MIER1: variants seen among roughly 807,000 people sequenced by gnomAD.
MIER1 encodes the protein MIER1 transcriptional regulator.
A neutral mutation model predicts 75.7 loss-of-function variants in MIER1; 40 were observed. The ratio of observed to expected loss-of-function variants is 0.53; its 90% CI spans 0.41 to 0.69. MIER1 has a LOEUF of 0.69. Ranked by LOEUF, MIER1 falls within the 30% of genes least tolerant of loss-of-function variation. MIER1 has a pLI of 0.00. For synonymous variants in MIER1, 213 were observed against 223.4 expected (o/e 0.95, Z 0.42); for missense variants, 574 against 680.2 (o/e 0.84, Z 1.74).
intron 4 of MIER1, among the ~76,000 whole-genome samples, chr1:66,957,319 T>C (rs1213705630): frequency 6.6e-6 from 1 of 152,206 alleles, no homozygotes; most frequent in Non-Finnish European, 1.5e-5. Context: ...CAAGGCACCA[T>C]GGTGTATTGA....
intron 3 of MIER1, among the ~76,000 whole-genome samples, chr1:66,944,357 A>G (rs1407276385): frequency 1.3e-5 from 2 of 151,478 alleles, no homozygotes; most frequent in African/African-American, 2.4e-5. Flanking sequence ...TCAGTAAACA[A>G]TGCTTTTGCA....
chr1:66,982,865 G>GT (rs1325214635), intron 13 of MIER1, among the ~76,000 whole-genome samples: 1 of 152,170 alleles, frequency 6.6e-6, no homozygotes, highest in Non-Finnish European at 1.5e-5. Flanking sequence ...GGTCCAAGAA[G>GT]GTTTATTGAC....
intron 13 of MIER1, among the ~76,000 whole-genome samples, chr1:66,983,070 T>C (rs1181055792): frequency 6.6e-6 from 1 of 152,234 alleles, no homozygotes; most frequent in Non-Finnish European, 1.5e-5. Context: ...AACATGCTGT[T>C]AGGCTAGGAA....
intron 4 of MIER1, among the ~76,000 whole-genome samples, chr1:66,956,303 C>T (rs1359573284): frequency 2.6e-5 from 4 of 152,040 alleles, no homozygotes; most frequent in African/African-American, 9.7e-5. Flanking sequence ...CATGTATAGT[C>T]CCAGATACTT....
rs1481063655 is a variant in MIER1, at chr1:66,986,314, T to C, written c.*1414T>C. On this transcript the variant is annotated 3_prime_UTR_variant, in exon 14 of 14. Transcript: ENST00000401041. ...CATTTTATTTTTAGTGCTAAATTCT[T>C]GTTAAATAATGTAGTTTTATATAGC... 2.6e-6 allele frequency: 4 copies of C among 1,521,526 alleles called. No homozygotes were observed. Among genetic ancestry groups the C allele is most frequent in the Non-Finnish European group, 3.5e-6 (4 of 1,142,852 alleles). The allele number at this position is 1,521,526 out of a possible 1,614,324, so 94.3% of individuals were successfully genotyped here.
chr1:66,953,534 C>T (rs1355786743), intron 4 of MIER1, among the ~76,000 whole-genome samples: 1 of 150,426 alleles, frequency 6.6e-6, no homozygotes, highest in East Asian at 1.9e-4. Context: ...ATATTACTCA[C>T]TTGATATTGG....
chr1:66,964,788 C>T (rs182326131), intron 8 of MIER1, among the ~76,000 whole-genome samples: 40 of 152,258 alleles, frequency 2.6e-4, no homozygotes, highest in Admixed American at 1.1e-3. Flanking sequence ...TGCAGTGTGA[C>T]ATCACTCAGG....
intron 4 of MIER1, among the ~76,000 whole-genome samples, chr1:66,955,623 A>G (rs1157450562): frequency 1.3e-5 from 2 of 152,198 alleles, no homozygotes; most frequent in Admixed American, 6.5e-5. Flanking sequence ...AGGATTAGTT[A>G]TAACACAGTT....
intron 9 of MIER1, 35 bp downstream of exon 9, chr1:66,970,994 TAC>T: frequency 1.3e-6 from 2 of 1,530,964 alleles, no homozygotes; most frequent in Non-Finnish European, 1.7e-6. Flanking sequence ...AACTTTGCCA[TAC>T]ACATTTATAC....
intron 11 of MIER1, 66 bp downstream of exon 11, chr1:66,973,057 C>A: frequency 1.2e-6 from 1 of 840,670 alleles, no homozygotes; most frequent in Non-Finnish European, 2.0e-6. Flanking sequence ...GGTCATGTAT[C>A]GTAATTTGTT....
intron 11 of MIER1, among the ~76,000 whole-genome samples, chr1:66,974,483 T>C (rs1272332886): frequency 3.3e-5 from 5 of 151,898 alleles, no homozygotes; most frequent in African/African-American, 9.7e-5. Flanking sequence ...ATTAAAACAC[T>C]CTTAACCAAA....
intron 3 of MIER1, 36 bp downstream of exon 3, chr1:66,940,088 G>C (rs1655830738): frequency 1.3e-6 from 2 of 1,520,406 alleles, no homozygotes; most frequent in Non-Finnish European, 1.8e-6. Context: ...ATCTCGATTT[G>C]AGTAACATTT....
intron 4 of MIER1, among the ~76,000 whole-genome samples, chr1:66,954,708 CT>C (rs879925906): frequency 5.9e-4 from 86 of 144,882 alleles, no homozygotes; most frequent in East Asian, 1.6e-3. Context: ...TTTCTTTTTC[CT>C]TTTTTTTTTT....
At chr1:66,929,222 G>T in intron 2 of MIER1, 1 of 429,646 alleles carries the variant, frequency 2.3e-6, no homozygotes, top group Non-Finnish European at 4.2e-6. Flanking sequence ...CACATTATTT[G>T]GAAGGAATGA....
chr1:66,935,325 G>C (rs1201521645), intron 2 of MIER1, among the ~76,000 whole-genome samples: 1 of 152,074 alleles, frequency 6.6e-6, no homozygotes, highest in Non-Finnish European at 1.5e-5. Flanking sequence ...TGTGGGTGAG[G>C]GTCAACTTGC....
chr1:66,928,313 T>C (rs1394654870), intron 2 of MIER1, among the ~76,000 whole-genome samples: 1 of 152,176 alleles, frequency 6.6e-6, no homozygotes, highest in African/African-American at 2.4e-5. Context: ...AGTAGGTTAA[T>C]AGACTATGAT....
chr1:66,980,577 C>T (rs918244006), intron 12 of MIER1, among the ~76,000 whole-genome samples: 1 of 152,318 alleles, frequency 6.6e-6, no homozygotes, highest in Admixed American at 6.5e-5. Flanking sequence ...TTCCTCAGAG[C>T]TTCCACTGTT....
At chr1:66,958,305 T>G in intron 5 of MIER1, 85 bp downstream of exon 5, 1 of 710,742 alleles carries the variant, frequency 1.4e-6, no homozygotes, top group Non-Finnish European at 2.0e-6. Flanking sequence ...TTACTTGTCT[T>G]TATAATCTTT....
chr1:66,944,349 A>G (rs1219487678), intron 3 of MIER1, among the ~76,000 whole-genome samples: 1 of 151,730 alleles, frequency 6.6e-6, no homozygotes, highest in African/African-American at 2.4e-5. Flanking sequence ...TTTGTTTATC[A>G]GTAAACAATG....
Sources: allele counts gnomAD v4.1 joint callset (sites outside exome capture counted in the v4.1 genomes callset), GRCh38; gene constraint gnomAD v4.1.1; transcripts MANE v1.5; gene names NCBI Gene and HGNC (gene_info 2026-07-23, HGNC 2026-07-21).